ZSWIM4: variants seen among roughly 807,000 people sequenced by gnomAD.
ZSWIM4 encodes the protein zinc finger SWIM-type containing 4.
ZSWIM4 carries 62 observed loss-of-function variants against 102.5 expected under a neutral mutation model. The ratio of observed to expected loss-of-function variants is 0.60; its 90% CI spans 0.49 to 0.75. The LOEUF is 0.75. Among genes scored for constraint, ZSWIM4 ranks in the 30% least tolerant of loss-of-function variants. The probability of loss-of-function intolerance (pLI) is 0.00; values close to 1 mark genes in which losing one functional copy is unlikely to be tolerated. For synonymous variants in ZSWIM4, 652 were observed against 674.5 expected (o/e 0.97, Z 0.52); for missense variants, 1,280 against 1,529.6 (o/e 0.84, Z 2.72).
At chr19:13,810,259 A>G (rs1975041689) in intron 5 of ZSWIM4, among the ~76,000 whole-genome samples, 2 of 151,470 alleles carry the variant, frequency 1.3e-5, no homozygotes, top group African/African-American at 4.9e-5. Context: ...AGCCTCCCAG[A>G]GTGCTGGGAT....
At chr19:13,828,525 CG>C in intron 12 of ZSWIM4, 119 bp from the exon 13 acceptor site, 1 of 729,198 alleles carries the variant, frequency 1.4e-6, no homozygotes, top group Non-Finnish European at 2.3e-6. Context: ...ATCACTTACC[CG>C]GGTTCATTGG....
At chr19:13,828,839 AC>A in intron 13 of ZSWIM4, 113 bp downstream of exon 13, 1 of 1,001,148 alleles carries the variant, frequency 1.0e-6, no homozygotes, top group Non-Finnish European at 1.5e-6. Context: ...GGTGGCTCAC[AC>A]CTGTAATCCC....
At chr19:13,819,322 C>T (rs914377857) in intron 9 of ZSWIM4, 35 bp from the exon 10 acceptor site, 8 of 1,611,970 alleles carry the variant, frequency 5.0e-6, no homozygotes, top group Non-Finnish European at 6.8e-6. Flanking sequence ...GAGGCGAGCC[C>T]ACACTTGGGG....
rs373668167 is a variant in ZSWIM4, at chr19:13,799,658, G to A, written c.154-62G>A. The A allele has an allele frequency of 3.6e-5, 55 of 1,541,366 alleles. 1 individual carries two copies. In the African/African-American group the frequency reaches 4.4e-4, roughly 12 times the overall value. On this transcript the variant is annotated intron_variant, in intron 1 of 13. Coordinates refer to ENST00000590508, the MANE Select transcript of ZSWIM4 (RefSeq NM_001367834.3). ...GGCCTCAAGCGATCCTCCCTCCTAA[G>A]CTTCCCAAAGCGCTGGGATTACATC... is the stretch of plus-strand genomic sequence containing the variant.
At chr19:13,821,929 G>C (rs1486305599) in intron 10 of ZSWIM4, among the ~76,000 whole-genome samples, 1 of 151,976 alleles carries the variant, frequency 6.6e-6, no homozygotes, top group African/African-American at 2.4e-5. Flanking sequence ...GTAGAGACAG[G>C]TTTTCACCAT....
Position 13,823,337 on chromosome 19 carries a change from C to T in ZSWIM4, c.2061-9C>T, listed in dbSNP as rs1354394629. On this transcript the variant is annotated splice_polypyrimidine_tract_variant and intron_variant, in intron 10 of 13. Transcript: ENST00000590508. ...CTCCTCACCATGGCTCACTTCTCCCCTTACCCAGGCTGCCCATACTGGAGA... is the reference window on the plus strand; with the variant it reads ...CTCCTCACCATGGCTCACTTCTCCCTTTACCCAGGCTGCCCATACTGGAGA... The T allele has an allele frequency of 3.1e-6, 5 of 1,611,496 alleles. No individual in the cohort carries two copies. Among genetic ancestry groups the T allele is most frequent in the Non-Finnish European group, 4.2e-6 (5 of 1,178,456 alleles).
At chr19:13,830,075 G>A (rs1975715054) in intron 13 of ZSWIM4, 116 bp from the exon 14 acceptor site, 2 of 1,330,550 alleles carry the variant, frequency 1.5e-6, no homozygotes, top group Non-Finnish European at 2.1e-6. Context: ...GGAAGTTTCT[G>A]TTCAGCATGG....
intron 2 of ZSWIM4, among the ~76,000 whole-genome samples, chr19:13,802,632 G>A (rs929059641): frequency 2.0e-5 from 3 of 150,456 alleles, no homozygotes; most frequent in Non-Finnish European, 4.4e-5. Flanking sequence ...AGGCTGGAGT[G>A]CAGTGGCGCG....
intron 5 of ZSWIM4, among the ~76,000 whole-genome samples, 184 bp from the exon 6 acceptor site, chr19:13,812,813 A>C (rs1975142424): frequency 6.6e-6 from 1 of 151,962 alleles, no homozygotes; most frequent in Non-Finnish European, 1.5e-5. Context: ...GACCCTGTGC[A>C]AGCCGTGTTA....
intron 10 of ZSWIM4, 113 bp from the exon 11 acceptor site, chr19:13,823,233 T>G: frequency 8.9e-7 from 1 of 1,129,860 alleles, no homozygotes; most frequent in South Asian, 1.6e-5. Context: ...TCTTGGGCTC[T>G]CAGGGCTCTG....
At chr19:13,823,075 G>A (rs756708785) in intron 10 of ZSWIM4, among the ~76,000 whole-genome samples, 5 of 152,126 alleles carry the variant, frequency 3.3e-5, no homozygotes, top group Non-Finnish European at 7.4e-5. Flanking sequence ...TACTTGAGCC[G>A]AGAAGTTTGA....
chr19:13,826,891 TG>T (rs1411401920), intron 12 of ZSWIM4, among the ~76,000 whole-genome samples: 1 of 151,748 alleles, frequency 6.6e-6, no homozygotes, highest in African/African-American at 2.4e-5. Flanking sequence ...AAGGTGTCAT[TG>T]GTAGGGTGTG....
chr19:13,814,433 G>A lies in ZSWIM4; in HGVS notation c.1181-82G>A, dbSNP rs915306758. ...TTTGCCCAGGCCTAAACCCCAGTTA[G>A]TACTTGGTGGGAAAAGCTGGACACG... On this transcript the variant is annotated intron_variant, in intron 6 of 13. Transcript: ENST00000590508. 7 of 782,638 alleles carry A rather than the reference G, an allele frequency of 8.9e-6. 1 individual carries two copies. In the Admixed American group the frequency reaches 1.9e-4, roughly 21 times the overall value. The allele number at this position is 782,638 out of a possible 1,614,324, so 48.5% of individuals were successfully genotyped here. A position where few individuals can be genotyped will look rare whatever the true frequency, so the allele number is the denominator to read the frequency against.
At position 13,817,314 on chromosome 19, in the gene ZSWIM4, G is replaced by C; in HGVS notation, c.1630G>C (p.Ala544Pro). ...CTGCCTCTGCAGGGCGCTCCTGGAG[G>C]CCTGTCGTCTGGAGGAGGAGACACT... is the stretch of plus-strand genomic sequence containing the variant. ...IGCLCRALLEACRLEEETLTL... is the reference protein window; with the variant it reads ...IGCLCRALLEPCRLEEETLTL... The change falls in exon 8 of 14, where the codon GCC becomes CCC. Residue 544 changes from alanine to proline, a missense_variant. Physicochemically the swap from Ala to Pro is conservative, Grantham distance 27. Coordinates refer to ENST00000590508, the MANE Select transcript of ZSWIM4 (RefSeq NM_001367834.3). 1 of 1,613,990 alleles carries C rather than the reference G, an allele frequency of 6.2e-7. No individual in the cohort carries two copies. The highest frequency in any genetic ancestry group is 8.5e-7 in the Non-Finnish European group (1 of 1,179,898).
intron 13 of ZSWIM4, 24 bp downstream of exon 13, chr19:13,828,750 C>T (rs371347376): frequency 3.2e-4 from 507 of 1,608,030 alleles, no homozygotes; most frequent in Non-Finnish European, 4.1e-4. Context: ...AGGGGACCTG[C>T]CACCCACTTC....
At chr19:13,819,896 T>C (rs1213721782) in intron 10 of ZSWIM4, among the ~76,000 whole-genome samples, 2 of 149,506 alleles carry the variant, frequency 1.3e-5, no homozygotes, top group Non-Finnish European at 3.0e-5. Flanking sequence ...CAGGCTGGAG[T>C]GCAGTGGCGC....
At chr19:13,799,136 G>A (rs1032866924) in intron 1 of ZSWIM4, among the ~76,000 whole-genome samples, 30 of 151,630 alleles carry the variant, frequency 2.0e-4, no homozygotes, top group South Asian at 1.5e-3. Context: ...CTGGAGTGCC[G>A]CTGGTGCAAT....
intron 11 of ZSWIM4, 131 bp downstream of exon 11, chr19:13,823,631 A>C: frequency 6.4e-6 from 7 of 1,090,386 alleles, no homozygotes; most frequent in Non-Finnish European, 9.2e-6. Flanking sequence ...CACCTCCTAT[A>C]TGTACCGGAC....
intron 1 of ZSWIM4, among the ~76,000 whole-genome samples, chr19:13,797,133 G>A (rs752886687): frequency 4.6e-5 from 7 of 152,332 alleles, no homozygotes; most frequent in Non-Finnish European, 5.9e-5. Context: ...CGAGCCCTCA[G>A]AGTTCTTGAC....
Sources: gnomAD v4.1 joint callset for allele counts (sites outside exome capture counted in the v4.1 genomes callset) on GRCh38, gnomAD v4.1.1 for gene constraint, MANE v1.5 for transcripts, NCBI Gene and HGNC (gene_info 2026-07-23, HGNC 2026-07-21) for gene names.